The following LHFPL2 variants were observed in gnomAD, a reference collection of about 807,000 sequenced individuals.
LHFPL2 encodes LHFPL tetraspan subfamily member 2 protein.
Under a neutral mutation model 17.5 loss-of-function variants are expected in LHFPL2, and 7 were observed. The ratio of observed to expected loss-of-function variants is 0.40; its 90% CI spans 0.23 to 0.75. The LOEUF is 0.75. Among genes scored for constraint, LHFPL2 ranks in the 30% least tolerant of loss-of-function variants. The probability of loss-of-function intolerance (pLI) is 0.37; values close to 1 mark genes in which losing one functional copy is unlikely to be tolerated. For synonymous variants in LHFPL2, 134 were observed against 116.2 expected (o/e 1.15, Z -0.99); for missense variants, 241 against 294.8 (o/e 0.82, Z 1.34).
chr5:78,580,698 G>A (rs1425543144), intron 2 of LHFPL2, among the ~76,000 whole-genome samples: 1 of 152,110 alleles, frequency 6.6e-6, no homozygotes, highest in Admixed American at 6.6e-5. Context: ...CTGTTCCATC[G>A]GTCTATTATC....
At chr5:78,609,929 G>T (rs1444155137) in intron 2 of LHFPL2, among the ~76,000 whole-genome samples, 1 of 152,016 alleles carries the variant, frequency 6.6e-6, no homozygotes, top group Non-Finnish European at 1.5e-5. Flanking sequence ...TACATCAGAA[G>T]CTCCGAATGG....
chr5:78,506,964 C>T (rs1405586149), intron 4 of LHFPL2, among the ~76,000 whole-genome samples: 1 of 152,036 alleles, frequency 6.6e-6, no homozygotes, highest in Non-Finnish European at 1.5e-5. Flanking sequence ...CAGCACCAGC[C>T]CTCAGCAGTG....
chr5:78,623,486 A>G (rs1290128929), intron 2 of LHFPL2, among the ~76,000 whole-genome samples: 1 of 152,244 alleles, frequency 6.6e-6, no homozygotes, highest in Non-Finnish European at 1.5e-5. Context: ...GAGAGAGAGA[A>G]CTATTGCATT....
At chr5:78,585,633 C>G (rs1743358665) in intron 2 of LHFPL2, among the ~76,000 whole-genome samples, 1 of 152,180 alleles carries the variant, frequency 6.6e-6, no homozygotes, top group Non-Finnish European at 1.5e-5. Flanking sequence ...GGCTCCTCCT[C>G]CCGCTCTCAA....
intron 2 of LHFPL2, among the ~76,000 whole-genome samples, chr5:78,580,637 T>C (rs543443983): frequency 2.6e-5 from 4 of 151,974 alleles, no homozygotes; most frequent in East Asian, 1.9e-4. Flanking sequence ...CTCAGGTTTG[T>C]CAAAGATCAG....
intron 2 of LHFPL2, among the ~76,000 whole-genome samples, chr5:78,618,207 G>GA (rs1014217265): frequency 1.8e-4 from 26 of 144,456 alleles, no homozygotes; most frequent in East Asian, 4.0e-4. Context: ...TCTCAAAAAA[G>GA]AAAAAAAAAA....
intron 3 of LHFPL2, among the ~76,000 whole-genome samples, chr5:78,521,920 A>T (rs1755469522): frequency 6.6e-6 from 1 of 152,102 alleles, no homozygotes; most frequent in Admixed American, 6.6e-5. Context: ...GAGAGCAATA[A>T]CCCTATGCTG....
intron 2 of LHFPL2, among the ~76,000 whole-genome samples, chr5:78,575,791 T>G (rs1258184230): frequency 6.6e-6 from 1 of 152,050 alleles, no homozygotes; most frequent in East Asian, 1.9e-4. Context: ...GGGAAGATAG[T>G]GTAATTTAGT....
intron 3 of LHFPL2, among the ~76,000 whole-genome samples, chr5:78,536,250 G>A (rs1390186875): frequency 6.6e-6 from 1 of 152,192 alleles, no homozygotes; most frequent in Non-Finnish European, 1.5e-5. Flanking sequence ...CCGTGGCACT[G>A]TAAATGGCTG....
intron 2 of LHFPL2, among the ~76,000 whole-genome samples, chr5:78,576,167 T>C (rs991247984): frequency 9.2e-5 from 14 of 152,034 alleles, no homozygotes; most frequent in South Asian, 8.3e-4. Flanking sequence ...TGGTGGTGGG[T>C]GCCTGTAGTC....
At chr5:78,646,270 G>A (rs1429868922) in intron 1 of LHFPL2, among the ~76,000 whole-genome samples, 1 of 152,204 alleles carries the variant, frequency 6.6e-6, no homozygotes, top group Non-Finnish European at 1.5e-5. Context: ...AGTGTAGGCT[G>A]GCAGGGCATG....
chr5:78,586,959 G>C (rs1284997857), intron 2 of LHFPL2, among the ~76,000 whole-genome samples: 1 of 152,148 alleles, frequency 6.6e-6, no homozygotes, highest in Non-Finnish European at 1.5e-5. Flanking sequence ...AACTCAGTAA[G>C]CTACTTCTTT....
chr5:78,521,597 T>C (rs1755460551), intron 3 of LHFPL2, among the ~76,000 whole-genome samples: 1 of 152,258 alleles, frequency 6.6e-6, no homozygotes, highest in Non-Finnish European at 1.5e-5. Context: ...AAAACTGAGC[T>C]GATTAGCATG....
At chr5:78,610,881 A>G (rs1245482335) in intron 2 of LHFPL2, among the ~76,000 whole-genome samples, 2 of 151,418 alleles carry the variant, frequency 1.3e-5, no homozygotes, top group East Asian at 1.9e-4. Context: ...ATCATGTGGC[A>G]AAGAGGAGAT....
At chr5:78,578,620 C>CACAG (rs1554056806) in intron 2 of LHFPL2, among the ~76,000 whole-genome samples, 46 of 149,728 alleles carry the variant, frequency 3.1e-4, no homozygotes, top group South Asian at 1.5e-3. Context: ...CACACACACA[C>CACAG]AGAGACAGGT....
At chr5:78,582,073 T>G (rs1743167471) in intron 2 of LHFPL2, among the ~76,000 whole-genome samples, 1 of 152,276 alleles carries the variant, frequency 6.6e-6, no homozygotes, top group African/African-American at 2.4e-5. Context: ...CTGGTTTATT[T>G]GCGTAGAGAT....
chr5:78,533,128 G>A (rs139954069), intron 3 of LHFPL2, among the ~76,000 whole-genome samples: 142 of 152,254 alleles, frequency 9.3e-4, no homozygotes, highest in African/African-American at 3.3e-3. Context: ...CTGCTCTACG[G>A]GGGTGAAAAC....
intron 2 of LHFPL2, among the ~76,000 whole-genome samples, chr5:78,584,818 G>C (rs989712157): frequency 3.9e-5 from 6 of 152,094 alleles, no homozygotes; most frequent in Non-Finnish European, 8.8e-5. Context: ...CCACCCTGTT[G>C]GAGCTTCCTG....
chr5:78,518,647 T>C (rs1755358422), intron 3 of LHFPL2, among the ~76,000 whole-genome samples: 1 of 152,262 alleles, frequency 6.6e-6, no homozygotes, highest in Admixed American at 6.5e-5. Context: ...ACTGAGCCGG[T>C]GTAATGACTC....
Sources: gnomAD v4.1 joint callset for allele counts (sites outside exome capture counted in the v4.1 genomes callset) on GRCh38, gnomAD v4.1.1 for gene constraint, MANE v1.5 for transcripts, NCBI Gene and HGNC (gene_info 2026-07-23, HGNC 2026-07-21) for gene names.